Variants in PIEZO2 observed in about 807,000 individuals in gnomAD.
PIEZO2 encodes piezo type mechanosensitive ion channel component 2, also known as piezo-type mechanosensitive ion channel component 2.
Under a neutral mutation model 337.3 loss-of-function variants are expected in PIEZO2, and 172 were observed. That is an observed-to-expected ratio of 0.51 (90% CI 0.45 to 0.58). PIEZO2 has a LOEUF of 0.58. PIEZO2 is among the 20% of genes least tolerant of loss of function. The probability of loss-of-function intolerance (pLI) is 0.00; values close to 1 mark genes in which losing one functional copy is unlikely to be tolerated. For synonymous variants in PIEZO2, 1,251 were observed against 1,228.5 expected, an observed-to-expected ratio of 1.02 and a Z score of -0.38; for missense variants, 3,028 against 3,391.3, an observed-to-expected ratio of 0.89 and a Z score of 2.66.
In PIEZO2 at chr18:11,026,736, C is replaced by T. The variant is rs147166040; in HGVS notation, c.160+39391G>A. Among the ~76,000 whole-genome samples the T allele has an allele frequency of 5.1e-3, 777 of 152,288 alleles. 11 individuals carry two copies. Among genetic ancestry groups the T allele is most frequent in the African/African-American group, 0.016 (672 of 41,540 alleles). On this transcript the variant is annotated intron_variant, in intron 2 of 55. Transcript: ENST00000674853. ...AAGGGACCAAATGCTCAACTTGATT[C>T]CCTCAGCACCCTCTTCAAAACTGTA...
intron 4 of PIEZO2, among the ~76,000 whole-genome samples, chr18:10,898,517 A>G (rs1382075501): frequency 2.0e-5 from 3 of 152,228 alleles, no homozygotes; most frequent in Non-Finnish European, 4.4e-5. Context: ...GTAGTGAGAG[A>G]TAATTTGACT....
intron 4 of PIEZO2, among the ~76,000 whole-genome samples, chr18:10,884,620 A>T (rs2042519887): frequency 6.6e-6 from 1 of 152,186 alleles, no homozygotes; most frequent in South Asian, 2.1e-4. Flanking sequence ...GGGTATAAGG[A>T]CACCATTAAC....
intron 3 of PIEZO2, among the ~76,000 whole-genome samples, chr18:10,926,196 C>G (rs933798969): frequency 1.3e-5 from 2 of 152,184 alleles, no homozygotes; most frequent in African/African-American, 4.8e-5. Flanking sequence ...CAGGGGCATT[C>G]CTGGCTGACC....
chr18:10,999,773 G>T (rs2035466687), intron 2 of PIEZO2, among the ~76,000 whole-genome samples: 2 of 152,062 alleles, frequency 1.3e-5, no homozygotes, highest in Non-Finnish European at 2.9e-5. Flanking sequence ...TATATTTAAA[G>T]AATTTCCCAC....
Position 11,148,845 on chromosome 18 carries a change from T to C in PIEZO2, c.-257A>G. The C allele has an allele frequency of 2.4e-6, 1 of 424,756 alleles. No individual in the cohort carries two copies. The highest frequency in any genetic ancestry group is 4.1e-6 in the Non-Finnish European group (1 of 242,390). 26.3% of individuals were successfully genotyped at this position (424,756 alleles called of 1,614,324 possible). ...CCACCTAGCCCGGCGCCCGGCCCCC[T>C]GCGGCCGGCCCATTTAGTGTGAATC... On this transcript the variant is annotated 5_prime_UTR_variant, in exon 1 of 56. Coordinates refer to ENST00000674853, the MANE Select transcript of PIEZO2 (RefSeq NM_001378183.1). This position sits in a 1 kb window ranked among gnomAD's most constrained non-coding sequence, Gnocchi z 5.2.
chr18:10,830,881 G>C lies in PIEZO2; in HGVS notation c.918-23607C>G, dbSNP rs1485231122. ...TAAAAATTTGGTCAAGATCTGAATA[G>C]ACATGTCTCAAAAGAAGACATACAA... On this transcript the variant is annotated intron_variant, in intron 7 of 55. Coordinates refer to ENST00000674853, the MANE Select transcript of PIEZO2 (RefSeq NM_001378183.1). This position sits in a 1 kb window ranked among gnomAD's most constrained non-coding sequence, Gnocchi z 4.7. Among the ~76,000 whole-genome samples the C allele has an allele frequency of 6.6e-6, 1 of 152,270 alleles. No homozygotes were observed. Among genetic ancestry groups the C allele is most frequent in the Admixed American group, 6.5e-5 (1 of 15,294 alleles).
intron 39 of PIEZO2, among the ~76,000 whole-genome samples, chr18:10,711,898 G>A (rs891515877): frequency 1.3e-4 from 20 of 152,194 alleles, no homozygotes; most frequent in African/African-American, 3.6e-4. Context: ...GTTTGGATCC[G>A]ACCCAGTCCA....
intron 3 of PIEZO2, among the ~76,000 whole-genome samples, chr18:10,935,552 G>A (rs1282944570): frequency 6.6e-6 from 1 of 152,094 alleles, no homozygotes; most frequent in Non-Finnish European, 1.5e-5. Flanking sequence ...AAAGGAATGG[G>A]GCACATTGCT....
intron 4 of PIEZO2, among the ~76,000 whole-genome samples, chr18:10,880,850 TATATATATATATATATA>T (rs2042393894): frequency 1.8e-4 from 1 of 5,466 alleles, no homozygotes; most frequent in African/African-American, 6.0e-4. Context: ...ACATATCATA[TATATATATATATATATA>T]TATATATATA....
Position 10,988,347 on chromosome 18 carries a change from T to C in PIEZO2, c.161-8687A>G, listed in dbSNP as rs1016285232. On this transcript the variant is annotated intron_variant, in intron 2 of 55. Transcript: ENST00000674853. This position sits in a 1 kb window ranked among gnomAD's most constrained non-coding sequence, Gnocchi z 4.8. ...ATAAATTTCTATTCTTTATAAATTA[T>C]CCAGTCTGTGACATTTCGTTTAGCA... is the stretch of plus-strand genomic sequence containing the variant. Among the ~76,000 whole-genome samples the C allele has an allele frequency of 6.6e-6, 1 of 152,170 alleles. No homozygotes were observed. Among genetic ancestry groups the C allele is most frequent in the Non-Finnish European group, 1.5e-5 (1 of 68,028 alleles).
chr18:10,741,325 T>C (rs2037210392), intron 32 of PIEZO2, among the ~76,000 whole-genome samples: 1 of 152,214 alleles, frequency 6.6e-6, no homozygotes, highest in South Asian at 2.1e-4. Flanking sequence ...ATCTTCACTT[T>C]CTTCTTAGTG....
At chr18:10,916,278 C>T (rs1232367368) in intron 3 of PIEZO2, among the ~76,000 whole-genome samples, 10 of 152,290 alleles carry the variant, frequency 6.6e-5, no homozygotes, top group South Asian at 2.1e-4. Context: ...TCCCACGCTG[C>T]ACGCCCCTGC....
intron 4 of PIEZO2, among the ~76,000 whole-genome samples, chr18:10,887,977 A>G (rs1328918317): frequency 1.3e-5 from 2 of 152,054 alleles, no homozygotes; most frequent in African/African-American, 4.8e-5. Flanking sequence ...TTTGTATGTG[A>G]TTTGAACTTT....
At chr18:10,961,826 GT>G (rs1312039661) in intron 3 of PIEZO2, among the ~76,000 whole-genome samples, 1 of 152,066 alleles carries the variant, frequency 6.6e-6, no homozygotes, top group Non-Finnish European at 1.5e-5. Flanking sequence ...AAGTGTTAAA[GT>G]CATTATAGCT....
In PIEZO2 at chr18:10,929,603, A is replaced by G. The variant is rs1447303612; in HGVS notation, c.287-18375T>C. Reference sequence around the variant, plus strand: ...AAGTTATTGGCAAGACTGTGAGAGGAAAATGCCTCTACCAACCTCTCGGGT... The same window carrying G: ...AAGTTATTGGCAAGACTGTGAGAGGGAAATGCCTCTACCAACCTCTCGGGT... On this transcript the variant is annotated intron_variant, in intron 3 of 55. Coordinates refer to ENST00000674853, the MANE Select transcript of PIEZO2 (RefSeq NM_001378183.1). This position sits in a 1 kb window ranked among gnomAD's most constrained non-coding sequence, Gnocchi z 5.6. 6.6e-6 allele frequency among the ~76,000 whole-genome samples: 1 copy of G among 152,202 alleles called. No homozygotes were observed. The highest frequency in any genetic ancestry group is 1.5e-5 in the Non-Finnish European group (1 of 68,038).
chr18:10,912,643 C>T (rs569873512), intron 3 of PIEZO2, among the ~76,000 whole-genome samples: 54 of 152,272 alleles, frequency 3.5e-4, no homozygotes, highest in African/African-American at 1.3e-3. Flanking sequence ...GCCTCAAAGG[C>T]TTCATCTTCG....
intron 3 of PIEZO2, among the ~76,000 whole-genome samples, chr18:10,930,694 C>T (rs1433585129): frequency 6.6e-6 from 1 of 152,202 alleles, no homozygotes; most frequent in African/African-American, 2.4e-5. Context: ...GATCTGGTCA[C>T]ATTTACTTAA....
chr18:11,000,997 T>C (rs1215113949), intron 2 of PIEZO2, among the ~76,000 whole-genome samples: 1 of 152,018 alleles, frequency 6.6e-6, no homozygotes, highest in Non-Finnish European at 1.5e-5. Context: ...CAGACATGAG[T>C]GTTACCTGGG....
intron 1 of PIEZO2, among the ~76,000 whole-genome samples, chr18:11,141,879 AGGTGACT>A (rs2040659465): frequency 1.3e-5 from 2 of 152,206 alleles, no homozygotes; most frequent in Admixed American, 1.3e-4. Context: ...TTCCCCCTCC[AGGTGACT>A]GGTGAAATGG....
Sources: allele counts gnomAD v4.1 joint callset (sites outside exome capture counted in the v4.1 genomes callset), GRCh38; gene constraint gnomAD v4.1.1; non-coding constraint Gnocchi (gnomAD v3.1); transcripts MANE v1.5; gene names NCBI Gene and HGNC (gene_info 2026-07-23, HGNC 2026-07-21).